Variants in TOX observed in about 807,000 individuals in gnomAD.
TOX encodes thymocyte selection-associated high mobility group box protein TOX.
In TOX, 11 loss-of-function variants were observed where a neutral mutation model predicts 53.7. That is an observed-to-expected ratio of 0.20 (90% CI 0.13 to 0.34). The LOEUF (loss-of-function observed/expected upper bound fraction) is 0.34, where lower values mean the gene tolerates loss of function less well. TOX is among the 10% of genes least tolerant of loss of function. The probability of loss-of-function intolerance (pLI) is 1.00; values close to 1 mark genes in which losing one functional copy is unlikely to be tolerated. For missense variants in TOX, 570 were observed against 664.6 expected (o/e 0.86, Z 1.56); for synonymous variants, 225 against 245.3 (o/e 0.92, Z 0.77).
intron 6 of TOX, among the ~76,000 whole-genome samples, chr8:58,816,870 C>G (rs1178833941): frequency 6.6e-6 from 1 of 152,130 alleles, no homozygotes; most frequent in Non-Finnish European, 1.5e-5. Flanking sequence ...TGCACGACAG[C>G]GTGAAACTCA....
At chr8:58,978,790 T>C (rs2129416642) in intron 1 of TOX, among the ~76,000 whole-genome samples, 1 of 152,364 alleles carries the variant, frequency 6.6e-6, no homozygotes, top group Non-Finnish European at 1.5e-5. Context: ...GTTGGTATTG[T>C]TCATTTTATG....
chr8:58,867,471 C>T (rs564248522), intron 3 of TOX, among the ~76,000 whole-genome samples: 11 of 152,294 alleles, frequency 7.2e-5, no homozygotes, highest in East Asian at 5.8e-4. Context: ...CAGTCTCCCT[C>T]GAGGGCAGCC....
At position 58,808,225 on chromosome 8, in the gene TOX, T is replaced by G. The variant is rs775354867; in HGVS notation, c.1437A>C (p.Thr479=). 2.5e-6 allele frequency: 4 copies of G among 1,614,066 alleles called. No individual in the cohort carries two copies. The South Asian group carries it at 4.4e-5, about 18-fold the overall frequency. ...GGGTGACAACTTGTGCAGCTGTAGA[T>G]GTAGGATTGATAATAGTCTGATAGT... is the stretch of plus-strand genomic sequence containing the variant. The part of the protein sequence containing the change: ...QPDYQTIINP[T]STAAQVVTQA... Residue 479 remains threonine (T), a synonymous_variant, in exon 8 of 9, where the codon ACA becomes ACC. Coordinates refer to ENST00000361421, the MANE Select transcript of TOX (RefSeq NM_014729.3).
At chr8:58,881,672 C>A (rs935718268) in intron 3 of TOX, among the ~76,000 whole-genome samples, 9 of 138,018 alleles carry the variant, frequency 6.5e-5, no homozygotes, top group African/African-American at 1.4e-4. Context: ...TGCAGTGAGC[C>A]GAGATCACAC....
At chr8:58,929,584 G>T (rs1189609192) in intron 3 of TOX, among the ~76,000 whole-genome samples, 1 of 152,022 alleles carries the variant, frequency 6.6e-6, no homozygotes, top group Non-Finnish European at 1.5e-5. Context: ...GAAGATAGTG[G>T]TGTCTTGAAA....
chr8:59,037,112 G>C (rs149929057), intron 1 of TOX, among the ~76,000 whole-genome samples: 59 of 149,606 alleles, frequency 3.9e-4, no homozygotes, highest in African/African-American at 1.4e-3. Context: ...TCCAGATGGC[G>C]TTTGTATTGA....
intron 1 of TOX, among the ~76,000 whole-genome samples, chr8:59,063,859 G>T (rs1042740363): frequency 2.0e-5 from 3 of 151,964 alleles, no homozygotes; most frequent in African/African-American, 7.3e-5. Context: ...GTAAAGAAAA[G>T]CATTTCTAAT....
At chr8:58,816,582 A>C (rs528012993) in intron 6 of TOX, among the ~76,000 whole-genome samples, 6 of 152,350 alleles carry the variant, frequency 3.9e-5, no homozygotes, top group Admixed American at 3.9e-4. Context: ...AGACTGATAA[A>C]ACAACCAAAG....
chr8:59,003,216 TA>T (rs765804512), intron 1 of TOX, among the ~76,000 whole-genome samples: 10 of 152,250 alleles, frequency 6.6e-5, no homozygotes, highest in Non-Finnish European at 1.5e-4. Flanking sequence ...AGTATTTCAA[TA>T]TTTTTTAAGC....
chr8:59,118,329 C>T lies in TOX; in HGVS notation c.102+557G>A, dbSNP rs1805145057. Reference sequence around the variant, plus strand: ...TGTGTCCGAACCCGGGCTCGGCTGCCGGAACCGGTTTGAGAAAACAAAAGA... The same window carrying T: ...TGTGTCCGAACCCGGGCTCGGCTGCTGGAACCGGTTTGAGAAAACAAAAGA... On this transcript the variant is annotated intron_variant, in intron 1 of 8. Transcript: ENST00000361421. This position sits in a 1 kb window ranked among gnomAD's most constrained non-coding sequence, Gnocchi z 4.1. Among the ~76,000 whole-genome samples the T allele has an allele frequency of 6.6e-6, 1 of 152,214 alleles. No individual in the cohort carries two copies.
At chr8:58,957,496 A>T (rs1812730843) in intron 2 of TOX, among the ~76,000 whole-genome samples, 1 of 152,212 alleles carries the variant, frequency 6.6e-6, no homozygotes, top group African/African-American at 2.4e-5. Flanking sequence ...GATAGTGCCA[A>T]AGAGCCCTTT....
intron 3 of TOX, among the ~76,000 whole-genome samples, chr8:58,880,728 A>T (rs79273185): frequency 0.034 from 5,155 of 152,264 alleles, 223 homozygotes; most frequent in African/African-American, 0.099. Flanking sequence ...TATACCTAAG[A>T]TTGTCTTTGA....
intron 1 of TOX, among the ~76,000 whole-genome samples, chr8:58,997,366 A>G (rs1401132520): frequency 6.6e-6 from 1 of 152,188 alleles, no homozygotes; most frequent in Non-Finnish European, 1.5e-5. Context: ...AGTTGAACAA[A>G]CTTTGAAACT....
At chr8:58,810,895 C>G (rs1043493984) in intron 7 of TOX, among the ~76,000 whole-genome samples, 3 of 151,632 alleles carry the variant, frequency 2.0e-5, no homozygotes, top group African/African-American at 4.8e-5. Context: ...GAAAATAGTT[C>G]TCAGGTTGTA....
At chr8:58,833,732 G>A (rs962381242) in intron 5 of TOX, among the ~76,000 whole-genome samples, 2 of 152,142 alleles carry the variant, frequency 1.3e-5, no homozygotes, top group African/African-American at 2.4e-5. Flanking sequence ...TGTCTTACGA[G>A]TCATTAGCAT....
chr8:58,898,360 G>A lies in TOX; in HGVS notation c.411+40942C>T, dbSNP rs546534254. Among the ~76,000 whole-genome samples the A allele has an allele frequency of 8.3e-3, 310 of 37,394 alleles. 1 individual carries two copies. The highest frequency in any genetic ancestry group is 0.042 in the African/African-American group (284 of 6,818). The allele number at this position is 37,394 out of a possible 152,430, so 24.5% of individuals were successfully genotyped here. A position where few individuals can be genotyped will look rare whatever the true frequency, so the allele number is the denominator to read the frequency against. ...TATTCATATACAGCTTTTATCTCTC[G>A]TTGTGCTCAAAAACTACATATTTTA... On this transcript the variant is annotated intron_variant, in intron 3 of 8. Coordinates refer to ENST00000361421, the MANE Select transcript of TOX (RefSeq NM_014729.3).
intron 1 of TOX, among the ~76,000 whole-genome samples, chr8:59,029,540 T>C (rs1008693114): frequency 6.6e-6 from 1 of 152,156 alleles, no homozygotes; most frequent in Non-Finnish European, 1.5e-5. Context: ...TCATTAAACC[T>C]GGCAAGGAAA....
chr8:59,066,974 A>C (rs543523251), intron 1 of TOX, among the ~76,000 whole-genome samples: 31 of 152,374 alleles, frequency 2.0e-4, no homozygotes, highest in African/African-American at 7.0e-4. Flanking sequence ...TGTGTTCCAC[A>C]GAACACTAAT....
intron 3 of TOX, among the ~76,000 whole-genome samples, chr8:58,920,749 G>GAAA (rs67652722): frequency 2.9e-4 from 32 of 110,866 alleles, no homozygotes; most frequent in African/African-American, 9.4e-4. Flanking sequence ...AAAAAAAGAA[G>GAAA]AAAAAAAAAA....
Sources: allele counts gnomAD v4.1 joint callset (sites outside exome capture counted in the v4.1 genomes callset), GRCh38; gene constraint gnomAD v4.1.1; non-coding constraint Gnocchi (gnomAD v3.1); transcripts MANE v1.5; gene names NCBI Gene and HGNC (gene_info 2026-07-23, HGNC 2026-07-21).